Variants in PDE1A observed in about 807,000 individuals in gnomAD.
PDE1A encodes the protein dual specificity calcium/calmodulin-dependent 3',5'-cyclic nucleotide phosphodiesterase 1A.
PDE1A carries 35 observed loss-of-function variants against 61.7 expected under a neutral mutation model. That is an observed-to-expected ratio of 0.57 (90% confidence interval 0.43 to 0.75). The LOEUF is 0.75. Among genes scored for constraint, PDE1A ranks in the 30% least tolerant of loss-of-function variants. The pLI is 0.00. For synonymous variants in PDE1A, 232 were observed against 213.2 expected (o/e 1.09, Z -0.77); for missense variants, 597 against 630.6 (o/e 0.95, Z 0.57).
At chr2:182,501,951 T>G (rs1321590235) in intron 2 of PDE1A, among the ~76,000 whole-genome samples, 1 of 152,158 alleles carries the variant, frequency 6.6e-6, no homozygotes, top group East Asian at 1.9e-4. Context: ...TGAGCCTGCA[T>G]GGAAACAGCT....
At chr2:182,531,556 A>G in the PDE1A span, among the ~76,000 whole-genome samples, 2 of 152,196 alleles carry the variant, frequency 1.3e-5, no homozygotes, top group African/African-American at 2.4e-5. Flanking sequence ...TTATGCACAT[A>G]AAAATCGAGT....
At chr2:182,189,051 CTTT>C in exon 11 of PDE1A, 1 of 1,611,106 alleles carries the variant, frequency 6.2e-7, no homozygotes, top group Non-Finnish European at 8.5e-7. Flanking sequence ...AATTCAGCTT[CTTT>C]ATCTCCCTGG....
the PDE1A span, among the ~76,000 whole-genome samples, chr2:182,579,494 G>T: frequency 6.6e-6 from 1 of 152,142 alleles, no homozygotes; most frequent in Admixed American, 6.6e-5. Flanking sequence ...CTAAAAATTA[G>T]CAAGAAACAC....
chr2:182,657,110 C>A, the PDE1A span, among the ~76,000 whole-genome samples: 1 of 152,098 alleles, frequency 6.6e-6, no homozygotes, highest in Admixed American at 6.5e-5. Flanking sequence ...ATAGTCCCAG[C>A]TACTTGCGAG....
chr2:182,442,963 T>C (rs895066176), intron 2 of PDE1A, among the ~76,000 whole-genome samples: 4 of 151,820 alleles, frequency 2.6e-5, no homozygotes, highest in Non-Finnish European at 4.4e-5. Context: ...AACAAAACAA[T>C]CCGTAATAAA....
chr2:182,692,932 G>T, the PDE1A span, among the ~76,000 whole-genome samples: 762 of 151,900 alleles, frequency 5.0e-3, 12 homozygotes, highest in African/African-American at 0.018. Context: ...AATAAATCTA[G>T]TTTCCATTTT....
chr2:182,289,552 C>G (rs1175752621), intron 1 of PDE1A, among the ~76,000 whole-genome samples: 1 of 152,118 alleles, frequency 6.6e-6, no homozygotes, highest in African/African-American at 2.4e-5. Context: ...TAATCACAAA[C>G]TCTTCCTTGT....
In PDE1A at chr2:182,384,491, A is replaced by AAT. The variant is rs1559402165; in HGVS notation, c.53+42085_53+42086dup. Among the ~76,000 whole-genome samples, 798 of 133,590 alleles carry AAT rather than the reference A, an allele frequency of 6.0e-3. 7 individuals are homozygous for AAT. The highest frequency in any genetic ancestry group is 0.022 in the African/African-American group (764 of 34,826). The allele number at this position is 133,590 out of a possible 152,430, so 87.6% of individuals were successfully genotyped here. ...ATAATAATAATAATAATAATAATAAAATAGAAATCCAGGAGCTGAAAAATA... is the reference window on the plus strand; with the variant it reads ...ATAATAATAATAATAATAATAATAAAATATAGAAATCCAGGAGCTGAAAAATA... On this transcript the variant is annotated intron_variant, in intron 1 of 13. Transcript: ENST00000351439.
intron 13 of PDE1A, among the ~76,000 whole-genome samples, chr2:182,156,325 A>G (rs1211454872): frequency 6.6e-6 from 1 of 152,136 alleles, no homozygotes; most frequent in Non-Finnish European, 1.5e-5. Context: ...AGTGCTTCAC[A>G]TATTTTATCA....
intron 1 of PDE1A, among the ~76,000 whole-genome samples, chr2:182,357,861 A>G (rs1345245351): frequency 6.6e-6 from 1 of 152,218 alleles, no homozygotes; most frequent in Admixed American, 6.5e-5. Flanking sequence ...CATGCCTCAA[A>G]GAAATAAATG....
chr2:182,293,505 C>T (rs1694674781), intron 1 of PDE1A, among the ~76,000 whole-genome samples: 1 of 151,788 alleles, frequency 6.6e-6, no homozygotes, highest in African/African-American at 2.4e-5. Context: ...AAAAAAAACA[C>T]CTATAGCCTT....
intron 10 of PDE1A, among the ~76,000 whole-genome samples, chr2:182,197,312 G>A (rs1428838305): frequency 6.6e-6 from 1 of 151,408 alleles, no homozygotes; most frequent in African/African-American, 2.4e-5. Flanking sequence ...CAAGTCCTTG[G>A]ACAGATATTT....
chr2:182,566,825 G>A, the PDE1A span, among the ~76,000 whole-genome samples: 1 of 152,062 alleles, frequency 6.6e-6, no homozygotes, highest in Non-Finnish European at 1.5e-5. Context: ...ACACTGCTAT[G>A]GAAATATTTT....
At chr2:182,531,983 A>G in the PDE1A span, among the ~76,000 whole-genome samples, 1 of 152,182 alleles carries the variant, frequency 6.6e-6, no homozygotes, top group Non-Finnish European at 1.5e-5. Context: ...GTTTGCTAAA[A>G]ATAATGGTTT....
intron 1 of PDE1A, among the ~76,000 whole-genome samples, chr2:182,326,122 T>TA (rs572831664): frequency 1.4e-3 from 131 of 93,680 alleles, no homozygotes; most frequent in East Asian, 5.3e-3. Flanking sequence ...TATATATATA[T>TA]TTTTTAAAAA....
At chr2:182,318,833 AT>A (rs1407914188) in intron 1 of PDE1A, among the ~76,000 whole-genome samples, 3 of 152,064 alleles carry the variant, frequency 2.0e-5, no homozygotes, top group Non-Finnish European at 4.4e-5. Context: ...GCTCTTCTTT[AT>A]TCCTTTCTTT....
chr2:182,244,722 T>A (rs1383888586), intron 2 of PDE1A, among the ~76,000 whole-genome samples: 3 of 152,240 alleles, frequency 2.0e-5, no homozygotes, highest in African/African-American at 4.8e-5. Flanking sequence ...GGTATTTTTT[T>A]ATATGGATTC....
intron 2 of PDE1A, among the ~76,000 whole-genome samples, chr2:182,508,551 T>A (rs1689565603): frequency 6.6e-6 from 1 of 151,750 alleles, no homozygotes; most frequent in South Asian, 2.1e-4. Flanking sequence ...TATTTAGGAA[T>A]GACATTACTG....
At chr2:182,273,781 G>T (rs907597560) in intron 1 of PDE1A, among the ~76,000 whole-genome samples, 4 of 152,072 alleles carry the variant, frequency 2.6e-5, no homozygotes, top group Non-Finnish European at 4.4e-5. Flanking sequence ...AGATTTGGGT[G>T]CTCCTGAAGC....
Sources: gnomAD v4.1 joint callset for allele counts (sites outside exome capture counted in the v4.1 genomes callset) on GRCh38, gnomAD v4.1.1 for gene constraint, MANE v1.5 for transcripts, NCBI Gene and HGNC (gene_info 2026-07-23, HGNC 2026-07-21) for gene names.